The following VRK2 variants were observed in gnomAD, a reference collection of about 807,000 sequenced individuals.
VRK2 encodes the protein VRK serine/threonine kinase 2.
Under a neutral mutation model 57.6 loss-of-function variants are expected in VRK2, and 60 were observed. That is an observed-to-expected ratio of 1.04 (90% CI 0.85 to 1.29). The LOEUF is 1.29. Among genes scored for constraint, VRK2 ranks in the 50% most tolerant of loss-of-function variants. The pLI, the probability that VRK2 is intolerant of heterozygous loss-of-function variation, is 0.00. For synonymous variants in VRK2, 231 were observed against 199.2 expected, an observed-to-expected ratio of 1.16 and a Z score of -1.35; for missense variants, 705 against 588.1, an observed-to-expected ratio of 1.20 and a Z score of -2.06.
chr2:57,984,115 T>G (rs760897720), intron 1 of VRK2, among the ~76,000 whole-genome samples: 3 of 152,170 alleles, frequency 2.0e-5, no homozygotes, highest in Non-Finnish European at 4.4e-5. Context: ...TCACAACTAC[T>G]CAACTCTACA....
At chr2:57,940,268 T>C (rs1014127962) in intron 1 of VRK2, among the ~76,000 whole-genome samples, 1 of 151,984 alleles carries the variant, frequency 6.6e-6, no homozygotes, top group Non-Finnish European at 1.5e-5. Context: ...GAATAGATAA[T>C]ATAAATCACA....
intron 3 of VRK2, among the ~76,000 whole-genome samples, chr2:58,084,439 A>C (rs1671332215): frequency 6.6e-6 from 1 of 151,306 alleles, no homozygotes; most frequent in African/African-American, 2.4e-5. Flanking sequence ...ATAGGGTTTT[A>C]TTTCTTTTTG....
At chr2:58,023,932 A>G (rs981925506) in intron 1 of VRK2, among the ~76,000 whole-genome samples, 6 of 152,188 alleles carry the variant, frequency 3.9e-5, no homozygotes, top group African/African-American at 1.4e-4. Context: ...GAAGTTTGTA[A>G]TCACACAATT....
At chr2:57,932,218 A>G (rs1670751586) in intron 1 of VRK2, among the ~76,000 whole-genome samples, 1 of 152,012 alleles carries the variant, frequency 6.6e-6, no homozygotes, top group African/African-American at 2.4e-5. Context: ...GCCTTGTAAG[A>G]TAAACTAGTA....
chr2:58,064,987 C>G (rs149104913), intron 2 of VRK2, among the ~76,000 whole-genome samples: 12 of 152,090 alleles, frequency 7.9e-5, no homozygotes, highest in Non-Finnish European at 1.5e-5. Context: ...TCAGTTTGTG[C>G]TCATTTCAAG....
chr2:58,048,614 T>C (rs781170584), intron 1 of VRK2: 11 of 1,480,042 alleles, frequency 7.4e-6, no homozygotes, highest in Non-Finnish European at 1.0e-5. Context: ...TTTTTTAAAA[T>C]ATCTATACCT....
intron 1 of VRK2, chr2:58,047,290 G>A (rs1054026723): frequency 6.9e-6 from 3 of 436,844 alleles, no homozygotes; most frequent in African/African-American, 4.3e-5. Context: ...CCGCGGCGGG[G>A]TTGGAGGTCA....
chr2:58,027,149 C>T (rs1673955005), intron 2 of VRK2, among the ~76,000 whole-genome samples: 1 of 151,906 alleles, frequency 6.6e-6, no homozygotes, highest in African/African-American at 2.4e-5. Context: ...TCTGTTTAAC[C>T]ATCTCCCTTC....
intron 1 of VRK2, among the ~76,000 whole-genome samples, chr2:57,970,069 C>T (rs1165302161): frequency 1.3e-5 from 2 of 150,764 alleles, no homozygotes; most frequent in African/African-American, 4.9e-5. Context: ...TTACAAATGA[C>T]AAAGGGCATA....
In VRK2 at chr2:58,120,184, C is replaced by CTTTTTT. The variant is rs397868874; in HGVS notation, c.544-2898_544-2893dup. Among the ~76,000 whole-genome samples the CTTTTTT allele has an allele frequency of 2.2e-3, 112 of 51,996 alleles. 1 individual carries two copies. Among genetic ancestry groups the CTTTTTT allele is most frequent in the East Asian group, 2.9e-3 (5 of 1,746 alleles). 34.1% of individuals were successfully genotyped at this position (51,996 alleles called of 152,430 possible). ...CTTTTTGTCTATTTTTTTTTCTTTT[C>CTTTTTT]TTTTTTTTTTTTTTTTTTTTTTTTG... On this transcript the variant is annotated intron_variant, in intron 7 of 12. Transcript: ENST00000340157.
chr2:58,020,135 C>G (rs1430891436), intron 1 of VRK2, among the ~76,000 whole-genome samples: 1 of 152,204 alleles, frequency 6.6e-6, no homozygotes, highest in Non-Finnish European at 1.5e-5. Flanking sequence ...TATGATGCTT[C>G]CATATAATCA....
intron 9 of VRK2, among the ~76,000 whole-genome samples, chr2:58,134,551 C>CA (rs1476420900): frequency 6.9e-6 from 1 of 144,758 alleles, no homozygotes; most frequent in African/African-American, 2.7e-5. Flanking sequence ...GCGGAGCTTG[C>CA]AGTGAGCCGA....
chr2:58,126,237 G>A, intron 8 of VRK2, among the ~76,000 whole-genome samples: 1 of 151,992 alleles, frequency 6.6e-6, no homozygotes, highest in East Asian at 1.9e-4. Flanking sequence ...CAAGAGACCT[G>A]AAGAGAAATA....
chr2:58,159,244 T>G, intron 12 of VRK2, 105 bp from the exon 13 acceptor site: 1 of 854,070 alleles, frequency 1.2e-6, no homozygotes. Context: ...CGCAAAAACT[T>G]GATCTTGTAT....
chr2:58,015,969 A>G (rs966739515), intron 1 of VRK2, among the ~76,000 whole-genome samples: 1 of 151,774 alleles, frequency 6.6e-6, no homozygotes, highest in Non-Finnish European at 1.5e-5. Flanking sequence ...TAATCAAGTG[A>G]AGACATTTAT....
rs188714014 is a variant in VRK2 at position 58,109,905 on chromosome 2, C to T, written c.544-13196C>T. Among the ~76,000 whole-genome samples the T allele has an allele frequency of 1.9e-3, 283 of 152,012 alleles. 3 individuals carry two copies. Among genetic ancestry groups the T allele is most frequent in the African/African-American group, 6.6e-3 (272 of 41,446 alleles). ...TGGAGATGGGGTCTTACTCTGTTGCCCACAAAATCAGAGGGTTCTTTTTAA... is the reference window on the plus strand; with the variant it reads ...TGGAGATGGGGTCTTACTCTGTTGCTCACAAAATCAGAGGGTTCTTTTTAA... On this transcript the variant is annotated intron_variant, in intron 7 of 12. Coordinates refer to ENST00000340157, the MANE Select transcript of VRK2 (RefSeq NM_006296.7).
Position 57,998,574 on chromosome 2 carries a change from G to T in VRK2, c.-438-27091G>T, listed in dbSNP as rs529741265. Among the ~76,000 whole-genome samples, 354 of 152,150 alleles carry T rather than the reference G, an allele frequency of 2.3e-3. 1 individual carries two copies. Among genetic ancestry groups the T allele is most frequent in the African/African-American group, 8.3e-3 (346 of 41,526 alleles). On this transcript the variant is annotated intron_variant, in intron 1 of 15. Transcript: ENST00000417641. Reference sequence around the variant, plus strand: ...TTCTTTAAAGGTTATTAACATTTTTGAACAATAGGAGATTCTCCTACCAAA... The same window carrying T: ...TTCTTTAAAGGTTATTAACATTTTTTAACAATAGGAGATTCTCCTACCAAA...
chr2:57,964,876 T>C (rs1189247766), intron 1 of VRK2, among the ~76,000 whole-genome samples: 1 of 59,030 alleles, frequency 1.7e-5, no homozygotes, highest in Non-Finnish European at 2.8e-5. Context: ...TGAGAATCCA[T>C]CTCAAAAAAA....
chr2:58,067,096 C>T (rs1008868159), intron 2 of VRK2, among the ~76,000 whole-genome samples: 2 of 152,172 alleles, frequency 1.3e-5, no homozygotes, highest in African/African-American at 4.8e-5. Flanking sequence ...CTGGATGCTT[C>T]CTGCTCTTGA....
Sources: gnomAD v4.1 joint callset for allele counts (sites outside exome capture counted in the v4.1 genomes callset) on GRCh38, gnomAD v4.1.1 for gene constraint, MANE v1.5 for transcripts, NCBI Gene and HGNC (gene_info 2026-07-23, HGNC 2026-07-21) for gene names.